NKAIN3: variants seen among roughly 807,000 people sequenced by gnomAD.
NKAIN3 encodes sodium/potassium transporting ATPase interacting 3, also known as sodium/potassium-transporting ATPase subunit beta-1-interacting protein 3.
NKAIN3 carries 25 observed loss-of-function variants against 30.2 expected under a neutral mutation model. The observed-to-expected ratio is 0.83, with a 90% CI of 0.60 to 1.16. The LOEUF (loss-of-function observed/expected upper bound fraction) is 1.16. Among genes scored for constraint, NKAIN3 ranks in the 50% most tolerant of loss-of-function variants. NKAIN3 has a pLI of 0.00. For synonymous variants in NKAIN3, 91 were observed against 89.6 expected (o/e 1.02, Z -0.09); for missense variants, 225 against 254.1 (o/e 0.89, Z 0.78).
chr8:62,326,446 T>G (rs1815134763), intron 1 of NKAIN3, among the ~76,000 whole-genome samples: 1 of 152,102 alleles, frequency 6.6e-6, no homozygotes, highest in Middle Eastern at 3.4e-3. Context: ...GTTTATGATT[T>G]AAGGTCTTAA....
At chr8:62,736,299 T>C (rs1167669802) in intron 3 of NKAIN3, among the ~76,000 whole-genome samples, 1 of 152,114 alleles carries the variant, frequency 6.6e-6, no homozygotes, top group Non-Finnish European at 1.5e-5. Context: ...GACCTTCAGA[T>C]AGGGAGCGGA....
intron 1 of NKAIN3, among the ~76,000 whole-genome samples, chr8:62,507,402 A>G (rs995751368): frequency 2.6e-5 from 4 of 152,190 alleles, no homozygotes; most frequent in African/African-American, 9.6e-5. Context: ...TAAGAGAATC[A>G]TTTTATTTGT....
chr8:62,676,412 C>CA (rs1433274842), intron 3 of NKAIN3, among the ~76,000 whole-genome samples: 3 of 152,008 alleles, frequency 2.0e-5, no homozygotes, highest in Non-Finnish European at 2.9e-5. Flanking sequence ...ACTAAAAATA[C>CA]AAAAAAATTA....
chr8:62,811,432 A>T (rs987240673), intron 4 of NKAIN3, among the ~76,000 whole-genome samples: 1 of 152,080 alleles, frequency 6.6e-6, no homozygotes, highest in Non-Finnish European at 1.5e-5. Context: ...TTTAGTTTTA[A>T]AATAACTTGC....
intron 1 of NKAIN3, among the ~76,000 whole-genome samples, chr8:62,417,049 A>G (rs1804469272): frequency 6.6e-6 from 1 of 151,290 alleles, no homozygotes; most frequent in Non-Finnish European, 1.5e-5. Context: ...TGTACCATCA[A>G]ATACTAGATC....
intron 1 of NKAIN3, among the ~76,000 whole-genome samples, chr8:62,346,299 G>T (rs1816004080): frequency 6.6e-6 from 1 of 151,972 alleles, no homozygotes; most frequent in South Asian, 2.1e-4. Flanking sequence ...ATTTTACTGT[G>T]TATTCATGTA....
intron 1 of NKAIN3, among the ~76,000 whole-genome samples, chr8:62,484,348 A>G (rs1806834102): frequency 6.6e-6 from 1 of 152,186 alleles, no homozygotes; most frequent in South Asian, 2.1e-4. Flanking sequence ...CTAGGTAAGT[A>G]TCTACTCATT....
intron 1 of NKAIN3, among the ~76,000 whole-genome samples, chr8:62,440,325 A>T (rs1274125146): frequency 6.6e-6 from 1 of 152,180 alleles, no homozygotes; most frequent in Non-Finnish European, 1.5e-5. Flanking sequence ...TCCAAGCTTC[A>T]CTGGGGATGA....
intron 4 of NKAIN3, among the ~76,000 whole-genome samples, chr8:62,902,764 C>T (rs1586328331): frequency 6.6e-6 from 1 of 152,246 alleles, no homozygotes; most frequent in South Asian, 2.1e-4. Flanking sequence ...TCCTATCAAA[C>T]TAGCCACATA....
intron 1 of NKAIN3, among the ~76,000 whole-genome samples, chr8:62,488,381 C>G (rs561295138): frequency 2.6e-5 from 4 of 152,304 alleles, no homozygotes; most frequent in Admixed American, 6.5e-5. Context: ...CTTCTTAGCA[C>G]CACTGTGCCT....
intron 3 of NKAIN3, among the ~76,000 whole-genome samples, chr8:62,706,646 A>G (rs1177482308): frequency 6.6e-6 from 1 of 152,102 alleles, no homozygotes; most frequent in East Asian, 1.9e-4. Flanking sequence ...TATCTTAATG[A>G]AAGACTAAAA....
chr8:62,291,981 C>A (rs553459034), intron 1 of NKAIN3, among the ~76,000 whole-genome samples: 30 of 152,178 alleles, frequency 2.0e-4, no homozygotes, highest in African/African-American at 7.0e-4. Flanking sequence ...ATCCCTTTAC[C>A]ATTATGTAAT....
chr8:62,493,507 A>G (rs1563424064), intron 1 of NKAIN3, among the ~76,000 whole-genome samples: 1 of 151,972 alleles, frequency 6.6e-6, no homozygotes, highest in Non-Finnish European at 1.5e-5. Flanking sequence ...GGTTATTCAG[A>G]CTTTCTTTTG....
intron 3 of NKAIN3, among the ~76,000 whole-genome samples, chr8:62,642,782 A>G (rs965054832): frequency 6.6e-6 from 1 of 152,132 alleles, no homozygotes; most frequent in Non-Finnish European, 1.5e-5. Flanking sequence ...GATGAGCTTT[A>G]TGTAGGCAGA....
intron 3 of NKAIN3, among the ~76,000 whole-genome samples, chr8:62,697,516 T>C (rs952824637): frequency 2.0e-5 from 3 of 151,158 alleles, no homozygotes; most frequent in Non-Finnish European, 4.4e-5. Flanking sequence ...CACTGAATTC[T>C]TTTTTTTACA....
intron 1 of NKAIN3, among the ~76,000 whole-genome samples, chr8:62,391,669 G>A (rs1428850663): frequency 6.6e-6 from 1 of 151,946 alleles, no homozygotes; most frequent in Non-Finnish European, 1.5e-5. Context: ...GAAAATAAAG[G>A]CAATGATATA....
intron 3 of NKAIN3, among the ~76,000 whole-genome samples, chr8:62,632,020 A>G (rs1811979092): frequency 6.6e-6 from 1 of 152,152 alleles, no homozygotes; most frequent in Non-Finnish European, 1.5e-5. Context: ...TGAACACTGA[A>G]ATGACATGCA....
intron 1 of NKAIN3, among the ~76,000 whole-genome samples, chr8:62,251,340 ATGTGTAGCTCTC>A (rs1812096192): frequency 6.6e-6 from 1 of 152,114 alleles, no homozygotes; most frequent in South Asian, 2.1e-4. Context: ...TATGTAAAAG[ATGTGTAGCTCTC>A]TGTTGACAAA....
intron 1 of NKAIN3, among the ~76,000 whole-genome samples, chr8:62,352,438 G>T (rs1816210362): frequency 6.6e-6 from 1 of 152,128 alleles, no homozygotes; most frequent in Admixed American, 6.5e-5. Context: ...TTTGAAAGAA[G>T]AAGCAACATT....
Sources: allele counts gnomAD v4.1 joint callset (sites outside exome capture counted in the v4.1 genomes callset), GRCh38; gene constraint gnomAD v4.1.1; transcripts MANE v1.5; gene names NCBI Gene and HGNC (gene_info 2026-07-23, HGNC 2026-07-21).